Variants in CRIPTO observed in about 807,000 individuals in gnomAD.
The protein encoded by CRIPTO is protein Cripto.
At chr3:46,580,722 A>T in the CRIPTO span, among the ~76,000 whole-genome samples, 1 of 152,218 alleles carries the variant, frequency 6.6e-6, no homozygotes, top group Admixed American at 6.5e-5. Context: ...GAGACCTATT[A>T]TAGTTCTGGG....
chr3:46,579,287 T>C, the CRIPTO span: 6 of 1,614,112 alleles, frequency 3.7e-6, no homozygotes, highest in Non-Finnish European at 5.1e-6. Context: ...CCTTCAGAGA[T>C]GACAGCATTT....
the CRIPTO span, among the ~76,000 whole-genome samples, chr3:46,576,767 C>T: frequency 1.3e-5 from 2 of 152,100 alleles, no homozygotes; most frequent in East Asian, 3.9e-4. Flanking sequence ...CGACTTTGGG[C>T]GTATTTAATA....
chr3:46,579,965 T>C, the CRIPTO span: 1 of 1,614,230 alleles, frequency 6.2e-7, no homozygotes, highest in Non-Finnish European at 8.5e-7. Context: ...TGTGGGTCTG[T>C]GCCCCATGAC....
the CRIPTO span, chr3:46,574,731 T>C: frequency 2.0e-5 from 3 of 152,248 alleles, no homozygotes; most frequent in Admixed American, 2.0e-4. Context: ...AATTGGCTTT[T>C]GATAGCTAAA....
the CRIPTO span, chr3:46,579,512 G>A: frequency 3.5e-6 from 5 of 1,427,322 alleles, no homozygotes; most frequent in Non-Finnish European, 4.9e-6. Context: ...GTGAGACAAG[G>A]ATTGTGTATT....
the CRIPTO span, chr3:46,581,221 A>T: frequency 3.7e-6 from 6 of 1,614,154 alleles, no homozygotes; most frequent in Non-Finnish European, 1.7e-6. Context: ...GCTAGTTGGC[A>T]TCTGCCTTTC....
the CRIPTO span, chr3:46,580,157 G>GC: frequency 6.6e-7 from 1 of 1,525,528 alleles, no homozygotes. Flanking sequence ...CTCTTGTCTT[G>GC]CTAGAGCCTG....
the CRIPTO span, chr3:46,577,630 T>C: frequency 2.4e-6 from 1 of 409,752 alleles, no homozygotes; most frequent in African/African-American, 2.0e-5. Context: ...TTTACAAGAC[T>C]CCTCTTCCCG....
chr3:46,580,138 T>A, the CRIPTO span: 2 of 1,585,240 alleles, frequency 1.3e-6, no homozygotes, highest in Non-Finnish European at 1.7e-6. Context: ...TAGCAGGCTC[T>A]CCTTGTACCT....
chr3:46,579,675 T>C, the CRIPTO span: 1 of 1,539,810 alleles, frequency 6.5e-7, no homozygotes, highest in Non-Finnish European at 9.0e-7. Flanking sequence ...TAACCTTCGC[T>C]TACAGGAATT....
At chr3:46,577,984 G>A in the CRIPTO span, 1 of 1,614,242 alleles carries the variant, frequency 6.2e-7, no homozygotes, top group Non-Finnish European at 8.5e-7. Flanking sequence ...ACTGCAGGAA[G>A]ATGGCCCGCT....
chr3:46,581,302 A>G, the CRIPTO span: 36 of 1,404,138 alleles, frequency 2.6e-5, no homozygotes, highest in East Asian at 4.3e-4. Context: ...TGCAAATTTC[A>G]TGACCAGTAA....
At chr3:46,580,010 G>C in the CRIPTO span, 1 of 1,614,244 alleles carries the variant, frequency 6.2e-7, no homozygotes, top group Non-Finnish European at 8.5e-7. Flanking sequence ...CTGTGTAAAT[G>C]CTGGCACGGT....
the CRIPTO span, chr3:46,579,888 GGA>G: frequency 6.2e-7 from 1 of 1,614,202 alleles, no homozygotes; most frequent in Non-Finnish European, 8.5e-7. Flanking sequence ...GCCGTGGAGA[GGA>G]GAGAGAAAGG....
At chr3:46,575,492 G>A in the CRIPTO span, among the ~76,000 whole-genome samples, 6 of 152,130 alleles carry the variant, frequency 3.9e-5, no homozygotes, top group East Asian at 1.9e-4. Context: ...TATGGGGAAT[G>A]GGAATCTCTT....
the CRIPTO span, chr3:46,578,085 T>G: frequency 6.8e-7 from 1 of 1,476,830 alleles, no homozygotes; most frequent in East Asian, 2.3e-5. Flanking sequence ...CACCTGTCAT[T>G]TGATTTTTCT....
the CRIPTO span, among the ~76,000 whole-genome samples, chr3:46,578,912 G>T: frequency 6.6e-6 from 1 of 151,852 alleles, no homozygotes; most frequent in Non-Finnish European, 1.5e-5. Context: ...TTGGATATTG[G>T]TGACTTTTTT....
At chr3:46,579,605 A>G in the CRIPTO span, 484 of 1,239,608 alleles carry the variant, frequency 3.9e-4, 4 homozygotes, top group South Asian at 5.7e-3. Context: ...TATGCATGAA[A>G]ATGACTTCTC....
chr3:46,579,960 G>T, the CRIPTO span: 53,048 of 1,614,200 alleles, frequency 0.033, 1,109 homozygotes, highest in Non-Finnish European at 0.039. Context: ...GGAACTGTGG[G>T]TCTGTGCCCC....
Sources: gnomAD v4.1 joint callset for allele counts (sites outside exome capture counted in the v4.1 genomes callset) on GRCh38, gnomAD v4.1.1 for gene constraint, MANE v1.5 for transcripts, NCBI Gene and HGNC (gene_info 2026-07-23, HGNC 2026-07-21) for gene names.